The following TAF1B variants were observed in gnomAD, a reference collection of about 807,000 sequenced individuals.
TAF1B encodes TATA box-binding protein-associated factor RNA polymerase I subunit B.
In TAF1B, 61 loss-of-function variants were observed where a neutral mutation model predicts 83.9. The ratio of observed to expected loss-of-function variants is 0.73; its 90% CI spans 0.59 to 0.90. TAF1B has a LOEUF of 0.90. TAF1B is among the 40% of genes least tolerant of loss of function. The pLI is 0.00. For missense variants in TAF1B, 625 were observed against 677.0 expected, an observed-to-expected ratio of 0.92 and a Z score of 0.85; for synonymous variants, 221 against 224.6, an observed-to-expected ratio of 0.98 and a Z score of 0.14.
chr2:9,901,416 G>T (rs574355075), intron 8 of TAF1B, among the ~76,000 whole-genome samples: 1 of 152,298 alleles, frequency 6.6e-6, no homozygotes, highest in East Asian at 1.9e-4. Context: ...TTTGTCACCA[G>T]ATGTTGACTT....
At position 9,854,357 on chromosome 2, in the gene TAF1B, A is replaced by C. The variant is rs1330479671; in HGVS notation, c.335A>C (p.Tyr112Ser). 6.2e-7 allele frequency: 1 copy of C among 1,614,008 alleles called. No homozygotes were observed. Among genetic ancestry groups the C allele is most frequent in the Non-Finnish European group, 8.5e-7 (1 of 1,179,984 alleles). The change falls in exon 5 of 15, where the codon TAC becomes TCC. Residue 112 changes from tyrosine (Y) to serine (S), a missense_variant. Tyr to Ser is a moderately radical substitution (Grantham distance 144, BLOSUM62 -2). Transcript: ENST00000263663. ...GTTTTACATAATTTTTGGAAGCGCT[A>C]CCTTCAGAAGAGCAAGCAGGCATAT... The part of the protein sequence containing the change: ...NDVLHNFWKR[Y>S]LQKSKQAYCK...
intron 5 of TAF1B, among the ~76,000 whole-genome samples, chr2:9,866,170 T>A (rs1332426477): frequency 6.6e-6 from 1 of 150,384 alleles, no homozygotes; most frequent in African/African-American, 2.4e-5. Context: ...TGGGAGAAAA[T>A]TTTTGCAACC....
chr2:9,874,492 G>A (rs534830924), intron 6 of TAF1B, among the ~76,000 whole-genome samples: 4 of 151,540 alleles, frequency 2.6e-5, no homozygotes, highest in East Asian at 3.9e-4. Context: ...GGCTAGTCTC[G>A]CATTCTTGGG....
At chr2:9,871,747 A>G (rs542783476) in intron 6 of TAF1B, among the ~76,000 whole-genome samples, 46 of 152,196 alleles carry the variant, frequency 3.0e-4, no homozygotes, top group African/African-American at 1.1e-3. Context: ...CCCCGAGCTG[A>G]TCAGATTCCT....
chr2:9,896,642 A>AAAT (rs66506343), intron 8 of TAF1B, among the ~76,000 whole-genome samples: 1,830 of 129,858 alleles, frequency 0.014, 25 homozygotes, highest in African/African-American at 0.022. Flanking sequence ...AAAAAAAAAA[A>AAAT]GCTTTAAAAA....
rs145993207 is a variant in TAF1B at position 9,857,502 on chromosome 2, G to A, written c.399+3081G>A. 2.8e-3 allele frequency among the ~76,000 whole-genome samples: 431 copies of A among 152,310 alleles called. 2 individuals are homozygous for A. The highest frequency in any genetic ancestry group is 0.01 in the African/African-American group (418 of 41,568). ...TTGCCATCAGCTGAAGGGTAAGTGGGCCAGGAAGGTCAGTGGTTCCATTTT... is the reference window on the plus strand; with the variant it reads ...TTGCCATCAGCTGAAGGGTAAGTGGACCAGGAAGGTCAGTGGTTCCATTTT... On this transcript the variant is annotated intron_variant, in intron 5 of 14. Coordinates refer to ENST00000263663, the MANE Select transcript of TAF1B (RefSeq NM_005680.3).
At chr2:9,923,116 G>A (rs776899672) in intron 14 of TAF1B, among the ~76,000 whole-genome samples, 7 of 151,358 alleles carry the variant, frequency 4.6e-5, no homozygotes, top group South Asian at 2.1e-4. Flanking sequence ...GGTGGTGCAC[G>A]TGTATAATCT....
intron 14 of TAF1B, among the ~76,000 whole-genome samples, chr2:9,924,541 C>T (rs1665977486): frequency 6.6e-6 from 1 of 152,226 alleles, no homozygotes; most frequent in African/African-American, 2.4e-5. Context: ...CCTGCTTCAG[C>T]ACAGCACCTG....
rs553067071 is a variant in TAF1B, at chr2:9,849,294, C to G, written c.118-79C>G. The G allele has an allele frequency of 2.5e-5, 29 of 1,155,664 alleles. 1 individual carries two copies. In the South Asian group the frequency reaches 4.1e-4, roughly 16 times the overall value. The allele number at this position is 1,155,664 out of a possible 1,614,324, so 71.6% of individuals were successfully genotyped here. A position where few individuals can be genotyped will look rare whatever the true frequency, so the allele number is the denominator to read the frequency against. On this transcript the variant is annotated intron_variant, in intron 2 of 14. Coordinates refer to ENST00000263663, the MANE Select transcript of TAF1B (RefSeq NM_005680.3). ...GGCACTCACAATTTGGTTTATTATA[C>G]TTTCCAGAAAATACCTGGAAAAATG... is the stretch of plus-strand genomic sequence containing the variant.
intron 7 of TAF1B, among the ~76,000 whole-genome samples, chr2:9,879,411 A>G (rs1664424783): frequency 6.6e-6 from 1 of 152,210 alleles, no homozygotes; most frequent in African/African-American, 2.4e-5. Flanking sequence ...CCCGCATCTC[A>G]GGTGGGTCAG....
At position 9,911,438 on chromosome 2, in the gene TAF1B, C is replaced by T. The variant is rs1376140566; in HGVS notation, c.1134-73C>T. ...CAAATACTGTTCTACACTTTTCTCT[C>T]AGAAGAATTCAGAATTTATCTTTCC... is the stretch of plus-strand genomic sequence containing the variant. On this transcript the variant is annotated intron_variant, in intron 10 of 14. Transcript: ENST00000263663. 18 of 1,208,098 alleles carry T rather than the reference C, an allele frequency of 1.5e-5. No homozygotes were observed. The South Asian group carries it at 2.5e-4, about 17-fold the overall frequency. The allele number at this position is 1,208,098 out of a possible 1,614,324, so 74.8% of individuals were successfully genotyped here.
chr2:9,920,563 C>T (rs556713391), intron 14 of TAF1B, among the ~76,000 whole-genome samples: 37 of 126,638 alleles, frequency 2.9e-4, no homozygotes, highest in African/African-American at 1.1e-3. Flanking sequence ...CAGGGTATGG[C>T]GTCTGTAGAC....
chr2:9,919,763 A>G lies in TAF1B; in HGVS notation c.1508A>G (p.Gln503Arg), dbSNP rs200399688. 9.3e-4 allele frequency: 1,502 copies of G among 1,614,222 alleles called. 1 individual carries two copies. Among genetic ancestry groups the G allele is most frequent in the Non-Finnish European group, 1.2e-3 (1,398 of 1,180,028 alleles). The change falls in exon 14 of 15, where the codon CAA (glutamine) becomes CGA (arginine). Residue 503 changes from glutamine to arginine, a missense_variant. By Grantham distance (43) the Gln-to-Arg change is conservative (BLOSUM62 1). Transcript: ENST00000263663. ...SLQGVLKEKG[Q>R]SLLTKNSLYW... is the part of the protein sequence containing the mutation. ...CAGGGAGTCCTGAAAGAGAAAGGCC[A>G]ATCACTGCTGACTAAGAATTCATTA... is the stretch of plus-strand genomic sequence containing the variant.
intron 5 of TAF1B, among the ~76,000 whole-genome samples, chr2:9,862,056 G>A (rs1010978589): frequency 6.6e-6 from 1 of 152,186 alleles, no homozygotes; most frequent in Non-Finnish European, 1.5e-5. Flanking sequence ...CCAAAGGAAC[G>A]CAGCTCTTCA....
Position 9,875,853 on chromosome 2 carries a change from T to C in TAF1B, c.554-12T>C. Reference sequence around the variant, plus strand: ...TCACTGGATTTTTAAAAATCTCCATTTATCTCCTAAGAAACGTCTGTCTGC... The same window carrying C: ...TCACTGGATTTTTAAAAATCTCCATCTATCTCCTAAGAAACGTCTGTCTGC... On this transcript the variant is annotated splice_polypyrimidine_tract_variant and intron_variant, in intron 6 of 14. Coordinates refer to ENST00000263663, the MANE Select transcript of TAF1B (RefSeq NM_005680.3). 1.3e-6 allele frequency: 2 copies of C among 1,558,026 alleles called. No individual in the cohort carries two copies. Among genetic ancestry groups the C allele is most frequent in the Non-Finnish European group, 1.7e-6 (2 of 1,144,224 alleles).
chr2:9,930,327 T>C (rs1023578576), intron 14 of TAF1B, among the ~76,000 whole-genome samples: 4 of 152,220 alleles, frequency 2.6e-5, no homozygotes, highest in Non-Finnish European at 4.4e-5. Flanking sequence ...GCTATAAACT[T>C]CCCTCTACAC....
At chr2:9,884,168 G>A (rs539581522) in intron 8 of TAF1B, among the ~76,000 whole-genome samples, 2 of 152,220 alleles carry the variant, frequency 1.3e-5, no homozygotes, top group Non-Finnish European at 2.9e-5. Flanking sequence ...GCGAGGCTGC[G>A]ACCGGACCAG....
intron 12 of TAF1B, chr2:9,913,621 T>C (rs1475427381): frequency 6.2e-6 from 1 of 160,170 alleles, no homozygotes; most frequent in African/African-American, 2.4e-5. Context: ...TTCCCAATAT[T>C]AAAAAGATTA....
intron 5 of TAF1B, among the ~76,000 whole-genome samples, chr2:9,866,155 C>T (rs1332532667): frequency 4.7e-5 from 7 of 150,358 alleles, no homozygotes; most frequent in Admixed American, 4.6e-4. Context: ...AGGCAACCTA[C>T]AGAATGGGAG....
Sources: allele counts gnomAD v4.1 joint callset (sites outside exome capture counted in the v4.1 genomes callset), GRCh38; gene constraint gnomAD v4.1.1; transcripts MANE v1.5; gene names NCBI Gene and HGNC (gene_info 2026-07-23, HGNC 2026-07-21).